TNS1: variants seen among roughly 807,000 people sequenced by gnomAD.
TNS1 encodes the protein tensin 1, also known as tensin-1.
Under a neutral mutation model 168.6 loss-of-function variants are expected in TNS1, and 62 were observed. The ratio of observed to expected loss-of-function variants is 0.37; its 90% CI spans 0.30 to 0.45. The LOEUF is 0.45. Among genes scored for constraint, TNS1 ranks in the 20% least tolerant of loss-of-function variants. The pLI, the probability that TNS1 is intolerant of heterozygous loss-of-function variation, is 1.00. For missense variants in TNS1, 2,240 were observed against 2,339.4 expected (o/e 0.96, Z 0.88); for synonymous variants, 934 against 933.2 (o/e 1.00, Z -0.02).
At chr2:217,946,957 T>TCACACA (rs1234529063) in intron 3 of TNS1, among the ~76,000 whole-genome samples, 90 of 112,528 alleles carry the variant, frequency 8.0e-4, no homozygotes, top group African/African-American at 3.2e-3. Flanking sequence ...TCTCTCTCTC[T>TCACACA]CTCTCTCTCT....
chr2:217,908,391 A>C (rs1953951827), intron 4 of TNS1, among the ~76,000 whole-genome samples: 1 of 152,120 alleles, frequency 6.6e-6, no homozygotes, highest in Non-Finnish European at 1.5e-5. Context: ...GGGGCCCTCA[A>C]ATTGGGCAGA....
chr2:217,849,857 C>G, intron 18 of TNS1: 2 of 985,442 alleles, frequency 2.0e-6, no homozygotes, highest in Non-Finnish European at 2.4e-6. Context: ...AAGGGCCCCA[C>G]CATGCCCAAG....
chr2:217,817,551 G>C (rs774992739), intron 24 of TNS1, 139 bp downstream of exon 24: 15 of 700,700 alleles, frequency 2.1e-5, no homozygotes, highest in Non-Finnish European at 3.5e-5. Flanking sequence ...TACGGATAAA[G>C]AAACTAAGTC....
intron 3 of TNS1, among the ~76,000 whole-genome samples, chr2:217,939,414 A>G (rs1021379128): frequency 6.6e-6 from 1 of 152,246 alleles, no homozygotes; most frequent in Non-Finnish European, 1.5e-5. Flanking sequence ...CAAGCACAGC[A>G]AGGATCACCA....
intron 2 of TNS1, among the ~76,000 whole-genome samples, chr2:217,980,002 G>A (rs779130055): frequency 3.8e-4 from 58 of 152,082 alleles, no homozygotes; most frequent in Non-Finnish European, 3.8e-4. Context: ...GGGAGGCTCC[G>A]GGGTTCCCCA....
intron 4 of TNS1, among the ~76,000 whole-genome samples, chr2:217,911,670 C>T (rs2125817695): frequency 6.6e-6 from 1 of 152,300 alleles, no homozygotes; most frequent in East Asian, 1.9e-4. Flanking sequence ...GTTTAGGAAA[C>T]TGAGGGCCTG....
intron 1 of TNS1, among the ~76,000 whole-genome samples, chr2:218,002,478 G>A (rs1026086077): frequency 6.6e-6 from 1 of 151,778 alleles, no homozygotes; most frequent in African/African-American, 2.4e-5. Context: ...GAGGGGGGGC[G>A]GTGAAGAATT....
chr2:217,970,827 AT>A (rs1559394000), intron 3 of TNS1, among the ~76,000 whole-genome samples: 1 of 152,082 alleles, frequency 6.6e-6, no homozygotes, highest in Non-Finnish European at 1.5e-5. Context: ...CTCTGTGATG[AT>A]ACAAAAAAAA....
chr2:217,931,083 A>C (rs1232508087), intron 3 of TNS1, among the ~76,000 whole-genome samples: 1 of 152,106 alleles, frequency 6.6e-6, no homozygotes. Context: ...AGCTCTGGAG[A>C]CAGATGAATG....
intron 18 of TNS1, chr2:217,850,002 A>G: frequency 1.0e-6 from 1 of 985,396 alleles, no homozygotes; most frequent in Non-Finnish European, 1.2e-6. Flanking sequence ...CATGCTGCCC[A>G]CTGCCACATT....
Position 217,914,297 on chromosome 2 carries a change from G to A in TNS1, c.228+5898C>T, listed in dbSNP as rs184702948. 2.4e-4 allele frequency among the ~76,000 whole-genome samples: 36 copies of A among 152,270 alleles called. No homozygotes were observed. In the East Asian group the frequency reaches 5.4e-3, roughly 23 times the overall value. ...GGTCAGAACCCTTCACCCTACTTGG[G>A]CCTTTCAAAGTGGGGATTACAGGGG... On this transcript the variant is annotated intron_variant, in intron 4 of 32. Transcript: ENST00000682258.
At chr2:218,018,350 T>C (rs1279049135) in intron 1 of TNS1, among the ~76,000 whole-genome samples, 1 of 152,234 alleles carries the variant, frequency 6.6e-6, no homozygotes, top group Non-Finnish European at 1.5e-5. Context: ...CACTGTCCCA[T>C]GACACAGCAT....
At chr2:217,905,800 C>T (rs1022609333) in intron 6 of TNS1, among the ~76,000 whole-genome samples, 9 of 152,194 alleles carry the variant, frequency 5.9e-5, no homozygotes, top group Admixed American at 2.0e-4. Flanking sequence ...TTCAGGCATC[C>T]GCCCCTTCCC....
At chr2:217,900,549 G>A in intron 6 of TNS1, 37 bp from the exon 7 acceptor site, 6 of 1,533,052 alleles carry the variant, frequency 3.9e-6, no homozygotes, top group Non-Finnish European at 5.2e-6. Flanking sequence ...TTATGCAGGG[G>A]TGGGCAGGAT....
chr2:217,812,145 C>G, intron 28 of TNS1, among the ~76,000 whole-genome samples: 1 of 152,238 alleles, frequency 6.6e-6, no homozygotes, highest in Non-Finnish European at 1.5e-5. Context: ...CCTGAACAAT[C>G]TGGCAAGTCC....
chr2:217,830,413 C>G (rs562654172), intron 22 of TNS1: 1 of 1,612,820 alleles, frequency 6.2e-7, no homozygotes, highest in Admixed American at 1.7e-5. Context: ...GTAAAGTTGA[C>G]CCCAATAGCC....
rs566885176 is a variant in TNS1 at position 217,880,884 on chromosome 2, T to C, written c.1429+14A>G. On this transcript the variant is annotated intron_variant, in intron 18 of 32. Coordinates refer to ENST00000682258, the MANE Select transcript of TNS1 (RefSeq NM_001387777.1). The surrounding 1 kb of genome is among the most constrained non-coding windows in gnomAD (Gnocchi z 4.2). Reference sequence around the variant, plus strand: ...AGTTTGGATAGGGGCTGGGAGCCACTAGGTCCCACCTACCCTCCATGCCGT... The same window carrying C: ...AGTTTGGATAGGGGCTGGGAGCCACCAGGTCCCACCTACCCTCCATGCCGT... 1.9e-5 allele frequency: 30 copies of C among 1,601,494 alleles called. No individual in the cohort carries two copies. In the South Asian group the frequency reaches 2.9e-4, roughly 15 times the overall value.
chr2:217,897,009 G>C (rs1016237901), intron 8 of TNS1, among the ~76,000 whole-genome samples: 2 of 152,158 alleles, frequency 1.3e-5, no homozygotes, highest in African/African-American at 4.8e-5. Flanking sequence ...GTCCAAAGAG[G>C]TGAAACCCAT....
At chr2:217,990,057 C>T (rs572219895) in intron 2 of TNS1, among the ~76,000 whole-genome samples, 42 of 148,318 alleles carry the variant, frequency 2.8e-4, no homozygotes, top group Admixed American at 1.5e-3. Context: ...ACCCTCAGCA[C>T]ACATCATCCA....
Sources: gnomAD v4.1 joint callset for allele counts (sites outside exome capture counted in the v4.1 genomes callset) on GRCh38, gnomAD v4.1.1 for gene constraint, Gnocchi (gnomAD v3.1) non-coding constraint, MANE v1.5 for transcripts, NCBI Gene and HGNC (gene_info 2026-07-23, HGNC 2026-07-21) for gene names.